The following TAGLN3 variants were observed in gnomAD, a reference collection of about 807,000 sequenced individuals.
TAGLN3 encodes the protein transgelin-3.
In TAGLN3, 12 loss-of-function variants were observed where a neutral mutation model predicts 25.4. The ratio of observed to expected loss-of-function variants is 0.47; its 90% confidence interval spans 0.30 to 0.77. The LOEUF (loss-of-function observed/expected upper bound fraction) is 0.77. Among genes scored for constraint, TAGLN3 ranks in the 30% least tolerant of loss-of-function variants. The pLI is 0.06. For missense variants in TAGLN3, 218 were observed against 255.8 expected, an observed-to-expected ratio of 0.85 and a Z score of 1.01; for synonymous variants, 96 against 94.8, an observed-to-expected ratio of 1.01 and a Z score of -0.08.
At chr3:112,007,102 C>T (rs2072926721) in intron 3 of TAGLN3, among the ~76,000 whole-genome samples, 1 of 152,148 alleles carries the variant, frequency 6.6e-6, no homozygotes, top group Non-Finnish European at 1.5e-5. Context: ...CTAATATTTT[C>T]AAGGAGTTTT....
chr3:112,002,759 A>G (rs2072875085), intron 3 of TAGLN3, among the ~76,000 whole-genome samples: 1 of 152,032 alleles, frequency 6.6e-6, no homozygotes, highest in Non-Finnish European at 1.5e-5. Flanking sequence ...AGGATGCTTT[A>G]CTTGTCTCTC....
At chr3:112,009,655 G>C (rs114864802) in intron 3 of TAGLN3, among the ~76,000 whole-genome samples, 1 of 152,140 alleles carries the variant, frequency 6.6e-6, no homozygotes, top group African/African-American at 2.4e-5. Context: ...TAGTTTTCTC[G>C]TCCACACATG....
chr3:112,012,605 C>T (rs535624904), intron 4 of TAGLN3, among the ~76,000 whole-genome samples: 3 of 151,412 alleles, frequency 2.0e-5, no homozygotes, highest in African/African-American at 7.3e-5. Flanking sequence ...CTTTTCTTCT[C>T]CTTGACAGTT....
rs1378148732 is a variant in TAGLN3, at chr3:112,000,895, A to T, written c.304A>T (p.Thr102Ser). The T allele has an allele frequency of 3.7e-6, 6 of 1,613,838 alleles. No individual in the cohort carries two copies. The highest frequency in any genetic ancestry group is 1.7e-5 in the Admixed American group (1 of 59,986). The part of the protein sequence containing the change: ...QISQFLKAAE[T>S]YGVRTTDIFQ... ...CTCCCAGTTCCTAAAAGCTGCGGAG[A>T]CCTATGGTGTCAGAACCACCGACAT... The change falls in exon 3 of 5, where the codon ACC becomes TCC. Residue 102 changes from threonine to serine, a missense_variant. Physicochemically the swap from Thr to Ser is moderately conservative, Grantham distance 58. Transcript: ENST00000478951.
chr3:112,010,545 C>A (rs907728159), intron 3 of TAGLN3, among the ~76,000 whole-genome samples: 1 of 152,136 alleles, frequency 6.6e-6, no homozygotes, highest in African/African-American at 2.4e-5. Flanking sequence ...ACAACAACTT[C>A]TGTGTTTCTT....
chr3:111,999,559 C>T lies in TAGLN3; in HGVS notation c.137C>T (p.Pro46Leu), dbSNP rs368369594. ...LQCAEDIEHP[P>L]PGRAHFQKWL... The stretch of plus-strand genomic sequence containing the variant: ...TGCGCCGAGGACATAGAGCACCCGC[C>T]CCCCGGCAGGGCCCATTTTCAGAAA... The change falls in exon 2 of 5, where the codon CCC (proline) becomes CTC (leucine). Residue 46 changes from proline (P) to leucine (L), a missense_variant. By Grantham distance (98) the Pro-to-Leu change is moderately conservative. Transcript: ENST00000478951. 1.0e-4 allele frequency: 166 copies of T among 1,614,028 alleles called. No individual in the cohort carries two copies. Among genetic ancestry groups the T allele is most frequent in the Non-Finnish European group, 1.3e-4 (155 of 1,180,028 alleles).
At chr3:111,999,271 C>G in intron 1 of TAGLN3, 150 bp from the exon 2 acceptor site, 1 of 826,692 alleles carries the variant, frequency 1.2e-6, no homozygotes. Flanking sequence ...GCTTCATTGG[C>G]TCCTTGATTT....
In TAGLN3 at chr3:112,013,664, C is replaced by T. The variant is rs2073003333; in HGVS notation, c.*113C>T. 1 of 1,519,674 alleles carries T rather than the reference C, an allele frequency of 6.6e-7. No homozygotes were observed. Among genetic ancestry groups the T allele is most frequent in the Non-Finnish European group, 9.0e-7 (1 of 1,116,050 alleles). The allele number at this position is 1,519,674 out of a possible 1,614,324, so 94.1% of individuals were successfully genotyped here. ...TCTCCTCTTTCTCAAAGCCTTCTGT[C>T]CCTGGTTTTTGCAAGTGCTGCATTT... is the stretch of plus-strand genomic sequence containing the variant. On this transcript the variant is annotated 3_prime_UTR_variant, in exon 5 of 5. Transcript: ENST00000478951.
Position 112,013,637 on chromosome 3 carries a change from C to T in TAGLN3, c.*86C>T. 1.3e-6 allele frequency: 2 copies of T among 1,579,930 alleles called. No homozygotes were observed. Among genetic ancestry groups the T allele is most frequent in the Non-Finnish European group, 1.7e-6 (2 of 1,158,362 alleles). On this transcript the variant is annotated 3_prime_UTR_variant, in exon 5 of 5. Coordinates refer to ENST00000478951, the MANE Select transcript of TAGLN3 (RefSeq NM_001008272.2). ...AAGAAATAGTTAGTCACCTTCTGAC[C>T]TTCTCCTCTTTCTCAAAGCCTTCTG...
chr3:111,999,603 G>C lies in TAGLN3; in HGVS notation c.180+1G>C, dbSNP rs2072831804. The C allele has an allele frequency of 1.2e-6, 2 of 1,612,526 alleles. No homozygotes were observed. Among genetic ancestry groups the C allele is most frequent in the Non-Finnish European group, 1.7e-6 (2 of 1,178,876 alleles). On this transcript the variant is annotated splice_donor_variant, in intron 2 of 4. Transcript: ENST00000478951. LOFTEE classifies it high-confidence loss of function. ...TCAGAAATGGTTAATGGACGGGACGGTAAGGCCGGCAGCGATCTCGGTTGC... is the reference window on the plus strand; with the variant it reads ...TCAGAAATGGTTAATGGACGGGACGCTAAGGCCGGCAGCGATCTCGGTTGC...
chr3:112,013,536 C>A lies in TAGLN3; in HGVS notation c.585C>A (p.Pro195=), dbSNP rs1467439167. ...CGGGCATGACAGGGTACGGGATGCC[C>A]AGGCAGATCATGTAGGACGCGGCAT... The part of the protein sequence containing the change: ...SQAGMTGYGM[P]RQIM Residue 195 remains proline (P), a synonymous_variant, in exon 5 of 5, where the codon CCC becomes CCA. Transcript: ENST00000478951. The A allele has an allele frequency of 3.7e-6, 6 of 1,614,184 alleles. No individual in the cohort carries two copies. Among genetic ancestry groups the A allele is most frequent in the Non-Finnish European group, 5.1e-6 (6 of 1,180,010 alleles).
intron 2 of TAGLN3, chr3:112,000,463 C>A: frequency 3.9e-6 from 1 of 255,588 alleles, no homozygotes; most frequent in African/African-American, 2.2e-5. Flanking sequence ...CACGTCACAT[C>A]ATTCCCTATC....
chr3:111,999,546 A>G lies in TAGLN3; in HGVS notation c.124A>G (p.Ile42Val). ...GATCATCCTGCAGTGCGCCGAGGAC[A>G]TAGAGCACCCGCCCCCCGGCAGGGC... ...DWIILQCAED[I>V]EHPPPGRAHF... Residue 42 changes from isoleucine to valine, a missense_variant, in exon 2 of 5, where the codon ATA becomes GTA. By Grantham distance (29) the Ile-to-Val change is conservative (BLOSUM62 3). Transcript: ENST00000478951. 1 of 1,614,208 alleles carries G rather than the reference A, an allele frequency of 6.2e-7. No homozygotes were observed. Among genetic ancestry groups the G allele is most frequent in the Non-Finnish European group, 8.5e-7 (1 of 1,180,022 alleles).
At chr3:112,004,112 G>A (rs961456700) in intron 3 of TAGLN3, among the ~76,000 whole-genome samples, 1 of 152,200 alleles carries the variant, frequency 6.6e-6, no homozygotes, top group African/African-American at 2.4e-5. Flanking sequence ...AGTCCCCCTA[G>A]CAGGGAGCTG....
Position 111,999,468 on chromosome 3 carries a change from GAGAAGATCGAGC to G in TAGLN3, c.52_63del (p.Ile18_Lys21del). The G allele has an allele frequency of 6.2e-7, 1 of 1,614,220 alleles. No individual in the cohort carries two copies. Among genetic ancestry groups the G allele is most frequent in the Non-Finnish European group, 8.5e-7 (1 of 1,180,022 alleles). On this transcript the variant is annotated inframe_deletion, in exon 2 of 5. Coordinates refer to ENST00000478951, the MANE Select transcript of TAGLN3 (RefSeq NM_001008272.2). ...CTATGGCTTAAGCCGAGAGGTGCAG[GAGAAGATCGAGC>G]AGAAGTATGATGCGGACCTGGAGAA...
intron 2 of TAGLN3, 55 bp downstream of exon 2, chr3:111,999,657 G>A: frequency 1.3e-6 from 2 of 1,585,616 alleles, no homozygotes; most frequent in East Asian, 2.2e-5. Flanking sequence ...AACCCTCCAG[G>A]GCCCTTTCTT....
At chr3:112,001,378 T>G (rs2072857958) in intron 3 of TAGLN3, among the ~76,000 whole-genome samples, 2 of 152,222 alleles carry the variant, frequency 1.3e-5, no homozygotes, top group South Asian at 4.1e-4. Context: ...CACTCCAACC[T>G]TTTGTTAAAC....
chr3:112,002,650 C>T (rs943139650), intron 3 of TAGLN3, among the ~76,000 whole-genome samples: 4 of 150,478 alleles, frequency 2.7e-5, no homozygotes, highest in East Asian at 2.0e-4. Context: ...GAGTCCCCCC[C>T]CCACCCCACA....
intron 3 of TAGLN3, among the ~76,000 whole-genome samples, chr3:112,006,639 G>T (rs1437767962): frequency 6.6e-6 from 1 of 152,208 alleles, no homozygotes; most frequent in Non-Finnish European, 1.5e-5. Context: ...AACTTTGACT[G>T]CAAGACTGAT....
Sources: allele counts gnomAD v4.1 joint callset (sites outside exome capture counted in the v4.1 genomes callset), GRCh38; gene constraint gnomAD v4.1.1; transcripts MANE v1.5; gene names NCBI Gene and HGNC (gene_info 2026-07-23, HGNC 2026-07-21).